The following VPS54 variants were observed in gnomAD, a reference collection of about 807,000 sequenced individuals.
VPS54 encodes the protein vacuolar protein sorting-associated protein 54.
VPS54 carries 45 observed loss-of-function variants against 121.5 expected under a neutral mutation model. The observed-to-expected ratio is 0.37, with a 90% CI of 0.29 to 0.47. VPS54 has a LOEUF of 0.47. Among genes scored for constraint, VPS54 ranks in the 20% least tolerant of loss-of-function variants. The probability of loss-of-function intolerance (pLI) is 0.99; values close to 1 mark genes in which losing one functional copy is unlikely to be tolerated. For synonymous variants in VPS54, 371 were observed against 385.8 expected (o/e 0.96, Z 0.45); for missense variants, 1,090 against 1,131.4 (o/e 0.96, Z 0.52).
At chr2:63,909,716 C>T (rs1673058331) in intron 20 of VPS54, among the ~76,000 whole-genome samples, 1 of 121,668 alleles carries the variant, frequency 8.2e-6, no homozygotes, top group African/African-American at 2.6e-5. Flanking sequence ...CCTCGCCTGG[C>T]CGTTTTTGGT....
intron 11 of VPS54, among the ~76,000 whole-genome samples, chr2:63,939,811 A>G (rs1217285292): frequency 1.3e-5 from 2 of 151,202 alleles, no homozygotes; most frequent in Non-Finnish European, 2.9e-5. Flanking sequence ...ACCAGGCTGG[A>G]GTACAGTAGC....
At chr2:63,944,068 A>T (rs902448483) in intron 10 of VPS54, among the ~76,000 whole-genome samples, 3 of 152,022 alleles carry the variant, frequency 2.0e-5, no homozygotes, top group African/African-American at 7.2e-5. Context: ...CAAAAAAAAA[A>T]TACAAACATG....
chr2:64,015,957 A>T (rs114956831), intron 1 of VPS54, among the ~76,000 whole-genome samples: 2,002 of 152,274 alleles, frequency 0.013, 58 homozygotes, highest in African/African-American at 0.046. Context: ...TGTCAAATAC[A>T]TACATATATA....
At chr2:63,927,512 A>G (rs1183871060) in intron 12 of VPS54, among the ~76,000 whole-genome samples, 3 of 152,344 alleles carry the variant, frequency 2.0e-5, no homozygotes, top group South Asian at 2.1e-4. Flanking sequence ...ACAGGTCACC[A>G]ACATCAAAGA....
At position 63,893,147 on chromosome 2, in the gene VPS54, CT is replaced by C; in HGVS notation, c.*282del. The C allele has an allele frequency of 4.3e-6, 2 of 470,004 alleles. No individual in the cohort carries two copies. Among genetic ancestry groups the C allele is most frequent in the Non-Finnish European group, 7.8e-6 (2 of 255,192 alleles). The allele number at this position is 470,004 out of a possible 1,614,324, so 29.1% of individuals were successfully genotyped here. On this transcript the variant is annotated 3_prime_UTR_variant, in exon 23 of 23. Coordinates refer to ENST00000272322, the MANE Select transcript of VPS54 (RefSeq NM_016516.3). ...TACAGCTGTGTTACAGCTATGTGTT[CT>C]TTTGGATTTGGTCCAAAGAAACCTG... is the stretch of plus-strand genomic sequence containing the variant.
intron 20 of VPS54, among the ~76,000 whole-genome samples, chr2:63,909,681 G>C (rs1234491376): frequency 6.8e-6 from 1 of 146,430 alleles, no homozygotes; most frequent in Non-Finnish European, 1.5e-5. Flanking sequence ...GCCTCCCAAA[G>C]TGCTGGGATT....
At chr2:63,945,202 G>A (rs533608023) in intron 9 of VPS54, among the ~76,000 whole-genome samples, 1 of 152,264 alleles carries the variant, frequency 6.6e-6, no homozygotes, top group East Asian at 1.9e-4. Context: ...GGAATACTAT[G>A]CAGCCATAAA....
chr2:63,919,793 G>T, intron 15 of VPS54, 90 bp downstream of exon 15: 1 of 845,228 alleles, frequency 1.2e-6, no homozygotes, highest in Non-Finnish European at 1.7e-6. Context: ...CTTTGAAATA[G>T]GCATTGTCAA....
intron 15 of VPS54, 55 bp downstream of exon 15, chr2:63,919,828 C>T (rs1673557117): frequency 9.1e-6 from 12 of 1,324,698 alleles, no homozygotes; most frequent in Non-Finnish European, 1.2e-5. Flanking sequence ...AGCATTAATA[C>T]AAAATAAATA....
chr2:64,009,698 T>C (rs1208468127), intron 1 of VPS54, among the ~76,000 whole-genome samples: 1 of 152,184 alleles, frequency 6.6e-6, no homozygotes, highest in Non-Finnish European at 1.5e-5. Flanking sequence ...AATATACTAC[T>C]TTGGCGCATC....
At chr2:64,017,608 G>A (rs1332049014) in intron 1 of VPS54, among the ~76,000 whole-genome samples, 1 of 152,046 alleles carries the variant, frequency 6.6e-6, no homozygotes, top group African/African-American at 2.4e-5. Flanking sequence ...CAAAATATAC[G>A]AATATCAACA....
intron 1 of VPS54, among the ~76,000 whole-genome samples, chr2:64,011,344 G>A (rs1195745930): frequency 6.6e-6 from 1 of 151,834 alleles, no homozygotes; most frequent in Non-Finnish European, 1.5e-5. Context: ...GAGGCAGGCA[G>A]GTCACAAGGA....
Position 63,949,166 on chromosome 2 carries a change from A to G in VPS54, c.1011-3T>C, listed in dbSNP as rs1050561424. 4.1e-5 allele frequency: 66 copies of G among 1,602,720 alleles called. No homozygotes were observed. The highest frequency in any genetic ancestry group is 5.4e-5 in the Non-Finnish European group (63 of 1,177,466). On this transcript the variant is annotated splice_region_variant and splice_polypyrimidine_tract_variant and intron_variant, in intron 7 of 22. Transcript: ENST00000272322. Reference sequence around the variant, plus strand: ...CACAAAGCTGTGATCCCAAATGCCTAAAAAGGAAGAGAAAAATGTTATATT... The same window carrying G: ...CACAAAGCTGTGATCCCAAATGCCTGAAAAGGAAGAGAAAAATGTTATATT...
intron 20 of VPS54, among the ~76,000 whole-genome samples, chr2:63,911,660 C>A (rs1673155238): frequency 6.6e-6 from 1 of 152,124 alleles, no homozygotes. Context: ...GCTGTTCCTG[C>A]CATTTCGGAA....
At position 63,893,409 on chromosome 2, in the gene VPS54, A is replaced by C; in HGVS notation, c.*21T>G. 6.3e-7 allele frequency: 1 copy of C among 1,591,238 alleles called. No homozygotes were observed. The highest frequency in any genetic ancestry group is 8.6e-7 in the Non-Finnish European group (1 of 1,159,366). On this transcript the variant is annotated 3_prime_UTR_variant, in exon 23 of 23. Transcript: ENST00000272322. ...AACACATCCCATGGTCAGATGAACT[A>C]CCCAGTTTTCCAGGATGACATCACC...
chr2:63,990,948 C>T (rs925171844), intron 1 of VPS54, among the ~76,000 whole-genome samples: 1 of 152,132 alleles, frequency 6.6e-6, no homozygotes, highest in South Asian at 2.1e-4. Context: ...TAGACTGGGA[C>T]CTTTTGGCAA....
At chr2:63,909,725 G>GTTTTTGTTTTGTT (rs747731456) in intron 20 of VPS54, among the ~76,000 whole-genome samples, 1 of 115,250 alleles carries the variant, frequency 8.7e-6, no homozygotes, top group Non-Finnish European at 1.8e-5. Flanking sequence ...GCCGTTTTTG[G>GTTTTTGTTTTGTT]TTTTTTTTTT....
chr2:63,970,194 TAA>T (rs200724977), intron 4 of VPS54, among the ~76,000 whole-genome samples: 15 of 85,484 alleles, frequency 1.8e-4, no homozygotes, highest in African/African-American at 3.0e-4. Context: ...TCTTTCCCAT[TAA>T]AAAAAAATAT....
chr2:63,948,344 C>T (rs1675084402), intron 8 of VPS54, among the ~76,000 whole-genome samples: 1 of 150,368 alleles, frequency 6.7e-6, no homozygotes, highest in Admixed American at 6.6e-5. Context: ...ATATAAAAAA[C>T]ATGTTCATAA....
Sources: gnomAD v4.1 joint callset for allele counts (sites outside exome capture counted in the v4.1 genomes callset) on GRCh38, gnomAD v4.1.1 for gene constraint, MANE v1.5 for transcripts, NCBI Gene and HGNC (gene_info 2026-07-23, HGNC 2026-07-21) for gene names.